Variants in PRDM5 observed in about 807,000 individuals in gnomAD.
PRDM5 encodes the protein PR domain zinc finger protein 5.
In PRDM5, 56 loss-of-function variants were observed where a neutral mutation model predicts 81.2. The ratio of observed to expected loss-of-function variants is 0.69; its 90% CI spans 0.56 to 0.86. The LOEUF (loss-of-function observed/expected upper bound fraction) is 0.86. Among genes scored for constraint, PRDM5 ranks in the 40% least tolerant of loss-of-function variants. The pLI is 0.00. For missense variants in PRDM5, 697 were observed against 770.1 expected (o/e 0.91, Z 1.12); for synonymous variants, 267 against 256.4 (o/e 1.04, Z -0.39).
chr4:120,849,005 C>T (rs1416241420), intron 3 of PRDM5, among the ~76,000 whole-genome samples: 1 of 151,972 alleles, frequency 6.6e-6, no homozygotes, highest in African/African-American at 2.4e-5. Context: ...TCTAAAAATG[C>T]CACTTGTATA....
intron 5 of PRDM5, 76 bp from the exon 6 acceptor site, chr4:120,817,000 ACT>A (rs1754609134): frequency 5.2e-6 from 6 of 1,162,970 alleles, no homozygotes; most frequent in South Asian, 1.3e-5. Context: ...AACTACACTA[ACT>A]CTGAATAAAG....
At chr4:120,775,162 G>A (rs1417404492) in intron 13 of PRDM5, among the ~76,000 whole-genome samples, 10 of 151,220 alleles carry the variant, frequency 6.6e-5, no homozygotes, top group African/African-American at 2.2e-4. Context: ...GCCCAGACTC[G>A]TGTATACAAT....
At chr4:120,820,947 G>A (rs1213356054) in intron 4 of PRDM5, among the ~76,000 whole-genome samples, 1 of 152,216 alleles carries the variant, frequency 6.6e-6, no homozygotes, top group Non-Finnish European at 1.5e-5. Context: ...CCTGCCTGCG[G>A]CCTAGGCAGT....
chr4:120,702,014 T>C (rs1356403963), intron 15 of PRDM5, among the ~76,000 whole-genome samples: 1 of 152,130 alleles, frequency 6.6e-6, no homozygotes, highest in Non-Finnish European at 1.5e-5. Flanking sequence ...TTTGGAATTG[T>C]GGGGGGTATC....
Position 120,775,919 on chromosome 4 carries a change from TTC to T in PRDM5, c.1537+1267_1537+1268del, listed in dbSNP as rs569023083. On this transcript the variant is annotated intron_variant, in intron 13 of 15. Coordinates refer to ENST00000264808, the MANE Select transcript of PRDM5 (RefSeq NM_018699.4). ...AGTGCTAGCCAGGAACTTCAAAACT[TTC>T]TGTTCCCTCTTCATTAGTTCCTTAC... 2.7e-3 allele frequency among the ~76,000 whole-genome samples: 416 copies of T among 152,168 alleles called. 5 individuals carry two copies. Among genetic ancestry groups the T allele is most frequent in the Non-Finnish European group, 1.9e-3 (126 of 67,998 alleles).
chr4:120,794,999 A>G (rs183665168), intron 10 of PRDM5, among the ~76,000 whole-genome samples: 9 of 152,336 alleles, frequency 5.9e-5, no homozygotes, highest in African/African-American at 2.2e-4. Flanking sequence ...GTCATGGCCC[A>G]GAATTTGAAA....
chr4:120,691,043 T>C (rs190083567), downstream of PRDM5, among the ~76,000 whole-genome samples: 38 of 152,288 alleles, frequency 2.5e-4, no homozygotes, highest in Non-Finnish European at 4.7e-4. Flanking sequence ...TAAATATATG[T>C]TTTAATTTCA....
At chr4:120,780,877 T>C (rs888059962) in intron 12 of PRDM5, among the ~76,000 whole-genome samples, 1 of 152,144 alleles carries the variant, frequency 6.6e-6, no homozygotes, top group African/African-American at 2.4e-5. Context: ...GCTCATTGAG[T>C]ACTTTTTAGA....
At chr4:120,774,342 A>G (rs936672470) in intron 13 of PRDM5, among the ~76,000 whole-genome samples, 1 of 152,232 alleles carries the variant, frequency 6.6e-6, no homozygotes, top group Non-Finnish European at 1.5e-5. Flanking sequence ...ACACCCATAA[A>G]TTGCTACACC....
rs530085753 is a variant in PRDM5, at chr4:120,799,640, C to CA, written c.1030+20dup. ...TTTTTTGTAATGATATCACTATAAACAAAAAAAGTATATAGTTTACCTGAG... is the reference window on the plus strand; with the variant it reads ...TTTTTTGTAATGATATCACTATAAACAAAAAAAAGTATATAGTTTACCTGAG... On this transcript the variant is annotated intron_variant, in intron 9 of 15. Transcript: ENST00000264808. 619 of 1,609,058 alleles carry CA rather than the reference C, an allele frequency of 3.8e-4. 2 individuals carry two copies. The African/African-American group carries it at 7.1e-3, about 18-fold the overall frequency.
intron 13 of PRDM5, among the ~76,000 whole-genome samples, chr4:120,770,049 T>G (rs1351595226): frequency 6.6e-6 from 1 of 152,098 alleles, no homozygotes; most frequent in Non-Finnish European, 1.5e-5. Context: ...TGTTTATTTT[T>G]TGAGGTGGAG....
chr4:120,860,691 A>C (rs148086123), intron 2 of PRDM5, among the ~76,000 whole-genome samples: 1 of 151,756 alleles, frequency 6.6e-6, no homozygotes, highest in African/African-American at 2.4e-5. Flanking sequence ...TTTCTGTAAA[A>C]CATGCTGGTT....
intron 10 of PRDM5, 32 bp downstream of exon 10, chr4:120,798,235 T>A (rs1466046818): frequency 1.9e-5 from 28 of 1,440,414 alleles, no homozygotes; most frequent in Non-Finnish European, 2.6e-5. Context: ...AGCAAATTCA[T>A]AAAAAATAAT....
chr4:120,794,441 G>C (rs185657494), intron 10 of PRDM5, among the ~76,000 whole-genome samples: 9 of 151,174 alleles, frequency 6.0e-5, no homozygotes, highest in African/African-American at 2.2e-4. Context: ...ATTTATACCA[G>C]GCAAAGAGTG....
downstream of PRDM5, among the ~76,000 whole-genome samples, chr4:120,686,939 T>C (rs1302378612): frequency 1.3e-5 from 2 of 151,956 alleles, no homozygotes; most frequent in Non-Finnish European, 2.9e-5. Context: ...AAATTCAAAC[T>C]CAGAATTGAA....
At chr4:120,805,779 T>C (rs57841364) in intron 8 of PRDM5, among the ~76,000 whole-genome samples, 43,697 of 152,072 alleles carry the variant, frequency 0.29, 6,490 homozygotes, top group East Asian at 0.37. Flanking sequence ...GCATTCCCTT[T>C]GTAAATTGGC....
chr4:120,872,024 G>T (rs184411830), intron 2 of PRDM5, among the ~76,000 whole-genome samples: 1 of 151,624 alleles, frequency 6.6e-6, no homozygotes, highest in African/African-American at 2.4e-5. Flanking sequence ...GGTGGCACAC[G>T]CCTGTAATCC....
rs963229958 is a variant in PRDM5 at position 120,693,025 on chromosome 4, A to G, written c.*2086T>C. 10 of 152,160 alleles carry G rather than the reference A, an allele frequency of 6.6e-5. No homozygotes were observed. The highest frequency in any genetic ancestry group is 2.2e-4 in the African/African-American group (9 of 41,540). The allele number at this position is 152,160 out of a possible 1,614,324, so 9.4% of individuals were successfully genotyped here. On this transcript the variant is annotated 3_prime_UTR_variant, in exon 16 of 16. Transcript: ENST00000264808. ...GTCCTCTGAAAGGAGAGAGTGGTGT[A>G]CCACTCTCTGGTGTAGGTCCTTCTA...
At chr4:120,742,824 G>T (rs996996696) in intron 14 of PRDM5, among the ~76,000 whole-genome samples, 6 of 152,102 alleles carry the variant, frequency 3.9e-5, no homozygotes, top group Admixed American at 3.3e-4. Context: ...GAAAGTGATG[G>T]GGAGAATGGA....
Sources: allele counts gnomAD v4.1 joint callset (sites outside exome capture counted in the v4.1 genomes callset), GRCh38; gene constraint gnomAD v4.1.1; transcripts MANE v1.5; gene names NCBI Gene and HGNC (gene_info 2026-07-23, HGNC 2026-07-21).